Variants in FIRRM observed in about 807,000 individuals in gnomAD.
FIRRM encodes the protein FIGNL1-interacting regulator of recombination and mitosis.
chr1:169,785,855 C>A, the FIRRM span, among the ~76,000 whole-genome samples: 1 of 152,068 alleles, frequency 6.6e-6, no homozygotes, highest in Admixed American at 6.6e-5. Context: ...CTGGGCTGAT[C>A]CAGGATGTTT....
chr1:169,795,170 A>G, the FIRRM span: 1 of 1,536,016 alleles, frequency 6.5e-7, no homozygotes, highest in Non-Finnish European at 8.7e-7. Context: ...TGGCCAGAGG[A>G]GCTATGCCGC....
the FIRRM span, chr1:169,806,077 G>A: frequency 6.3e-7 from 1 of 1,581,654 alleles, no homozygotes; most frequent in Non-Finnish European, 8.6e-7. Context: ...ATACTTGGAA[G>A]TTTATAATTA....
chr1:169,789,176 G>C, the FIRRM span, among the ~76,000 whole-genome samples: 2 of 152,102 alleles, frequency 1.3e-5, no homozygotes, highest in African/African-American at 4.8e-5. Flanking sequence ...TCATAACCAT[G>C]GTATAAAAAA....
At chr1:169,827,800 C>G in the FIRRM span, 1 of 1,614,050 alleles carries the variant, frequency 6.2e-7, no homozygotes, top group Non-Finnish European at 8.5e-7. Context: ...AGTGCAAACC[C>G]TGTGGTGCAC....
chr1:169,793,002 C>G, the FIRRM span: 1 of 1,614,032 alleles, frequency 6.2e-7, no homozygotes, highest in Non-Finnish European at 8.5e-7. Flanking sequence ...GAGTTAGCTA[C>G]TACATTAGGT....
chr1:169,807,559 C>T, the FIRRM span, among the ~76,000 whole-genome samples: 3 of 152,142 alleles, frequency 2.0e-5, no homozygotes, highest in Non-Finnish European at 1.5e-5. Flanking sequence ...TAGAATGCCT[C>T]ATACATAGTA....
At chr1:169,843,884 T>C in the FIRRM span, 1 of 646,378 alleles carries the variant, frequency 1.5e-6, no homozygotes, top group Admixed American at 2.6e-5. Context: ...TTGTGTCATA[T>C]ATTGACTTGT....
At chr1:169,835,180 G>A in the FIRRM span, among the ~76,000 whole-genome samples, 21 of 151,938 alleles carry the variant, frequency 1.4e-4, no homozygotes, top group Admixed American at 9.2e-4. Context: ...ATTTTTTTAC[G>A]AGTGATGTCA....
At chr1:169,827,654 T>C in the FIRRM span, 2 of 1,596,258 alleles carry the variant, frequency 1.3e-6, no homozygotes, top group Non-Finnish European at 1.7e-6. Flanking sequence ...AAAAAAATTA[T>C]TCCTTTACGT....
the FIRRM span, chr1:169,793,983 AC>A: frequency 3.8e-6 from 1 of 261,704 alleles, no homozygotes; most frequent in Non-Finnish European, 7.1e-6. Flanking sequence ...TTAAACAGCC[AC>A]CCCCACCCCT....
At chr1:169,849,436 G>T in the FIRRM span, 1 of 1,209,002 alleles carries the variant, frequency 8.3e-7, no homozygotes, top group Non-Finnish European at 1.2e-6. Context: ...TTGAATGTAT[G>T]GCTATTTTAT....
At chr1:169,790,509 A>G in the FIRRM span, among the ~76,000 whole-genome samples, 1 of 151,672 alleles carries the variant, frequency 6.6e-6, no homozygotes, top group East Asian at 1.9e-4. Context: ...TAATGCCCCA[A>G]ATTATCTAGT....
At chr1:169,799,966 C>T in the FIRRM span, among the ~76,000 whole-genome samples, 1 of 152,210 alleles carries the variant, frequency 6.6e-6, no homozygotes, top group African/African-American at 2.4e-5. Flanking sequence ...TCAAGCTATT[C>T]TCCTGCCTCC....
the FIRRM span, chr1:169,830,339 T>C: frequency 7.4e-6 from 12 of 1,613,504 alleles, no homozygotes; most frequent in East Asian, 2.7e-4. Context: ...GCTTCCTTGC[T>C]CGGTACAACA....
chr1:169,813,407 A>G, the FIRRM span, among the ~76,000 whole-genome samples: 1 of 152,236 alleles, frequency 6.6e-6, no homozygotes, highest in African/African-American at 2.4e-5. Flanking sequence ...TGTTTTATCA[A>G]TTTACAAATG....
chr1:169,823,455 G>A, the FIRRM span: 1 of 1,602,952 alleles, frequency 6.2e-7, no homozygotes, highest in Non-Finnish European at 8.5e-7. Context: ...TGCACCAACT[G>A]TATCTTCAGA....
At chr1:169,802,749 A>G in the FIRRM span, 1 of 1,423,062 alleles carries the variant, frequency 7.0e-7, no homozygotes, top group Admixed American at 1.7e-5. Context: ...ATTAGAAAGC[A>G]GGAGAGAGAG....
the FIRRM span, chr1:169,804,209 T>C: frequency 1.3e-6 from 2 of 1,569,752 alleles, no homozygotes; most frequent in Non-Finnish European, 1.7e-6. Flanking sequence ...CTTTAGTAGA[T>C]GACAATGATG....
chr1:169,807,836 C>CG, the FIRRM span: 1 of 1,605,866 alleles, frequency 6.2e-7, no homozygotes, highest in Non-Finnish European at 8.5e-7. Context: ...AGTTGAAACA[C>CG]AAAGATATAA....
Sources: gnomAD v4.1 joint callset for allele counts (sites outside exome capture counted in the v4.1 genomes callset) on GRCh38, gnomAD v4.1.1 for gene constraint, MANE v1.5 for transcripts, NCBI Gene and HGNC (gene_info 2026-07-23, HGNC 2026-07-21) for gene names.